The following RASGEF1A variants were observed in gnomAD, a reference collection of about 807,000 sequenced individuals.
RASGEF1A encodes the protein ras-GEF domain-containing family member 1A.
Under a neutral mutation model 56.4 loss-of-function variants are expected in RASGEF1A, and 18 were observed. That is an observed-to-expected ratio of 0.32 (90% confidence interval 0.22 to 0.47). The LOEUF (loss-of-function observed/expected upper bound fraction) is 0.47, where lower values mean the gene tolerates loss of function less well. Ranked by LOEUF, RASGEF1A falls within the 20% of genes least tolerant of loss-of-function variation. The pLI, the probability that RASGEF1A is intolerant of heterozygous loss-of-function variation, is 1.00. For synonymous variants in RASGEF1A, 245 were observed against 242.6 expected (o/e 1.01, Z -0.09); for missense variants, 422 against 627.1 (o/e 0.67, Z 3.49).
At chr10:43,203,691 C>T (rs957546621) in intron 2 of RASGEF1A, 7 of 1,188,658 alleles carry the variant, frequency 5.9e-6, no homozygotes, top group Non-Finnish European at 7.4e-6. Context: ...GGATTCTCCC[C>T]CTCTCTGCCC....
intron 1 of RASGEF1A, 45 bp downstream of exon 1, chr10:43,266,800 C>T (rs948159619): frequency 1.4e-5 from 2 of 145,916 alleles, no homozygotes; most frequent in African/African-American, 4.9e-5. Context: ...GCCCCAGGCG[C>T]GGGCGGGGGC....
Position 43,198,966 on chromosome 10 carries a change from G to C in RASGEF1A, c.999C>G (p.Ser333=). 6.2e-7 allele frequency: 1 copy of C among 1,613,688 alleles called. No homozygotes were observed. Among genetic ancestry groups the C allele is most frequent in the Non-Finnish European group, 8.5e-7 (1 of 1,180,006 alleles). The change falls in exon 9 of 13, where the codon TCC becomes TCG. Residue 333 remains serine (S), a synonymous_variant. Transcript: ENST00000395810. ...CATCAAACTTGGCTGTCTTGACCTT[G>C]GACCAAGTTTTCTTCAGCCTTGCCA... The part of the protein sequence containing the change: ...SPVARLKKTW[S]KVKTAKFDVL...
At chr10:43,201,287 C>G (rs1283172278) in intron 4 of RASGEF1A, among the ~76,000 whole-genome samples, 1 of 152,200 alleles carries the variant, frequency 6.6e-6, no homozygotes, top group Non-Finnish European at 1.5e-5. Context: ...TTGGGAGCAG[C>G]CTGGGGTCCC....
chr10:43,210,669 G>T (rs1259117353), intron 1 of RASGEF1A, among the ~76,000 whole-genome samples: 2 of 152,222 alleles, frequency 1.3e-5, no homozygotes, highest in African/African-American at 4.8e-5. Context: ...TGCCTCAGCT[G>T]CTCCTGGCTG....
At chr10:43,218,861 A>AT (rs1378909610) in intron 1 of RASGEF1A, among the ~76,000 whole-genome samples, 2 of 152,168 alleles carry the variant, frequency 1.3e-5, no homozygotes, top group African/African-American at 4.8e-5. Context: ...CACATGATTC[A>AT]TTTTTTCCTT....
intron 1 of RASGEF1A, chr10:43,208,886 C>T: frequency 1.0e-6 from 1 of 985,664 alleles, no homozygotes; most frequent in Non-Finnish European, 1.2e-6. Flanking sequence ...GCCGGCCCTG[C>T]AGCAGGCCCA....
rs574534873 is a variant in RASGEF1A at position 43,262,667 on chromosome 10, C to A, written c.-7+4178G>T. Among the ~76,000 whole-genome samples the A allele has an allele frequency of 1.2e-3, 182 of 152,362 alleles. No homozygotes were observed. The Middle Eastern group carries it at 0.02, about 17-fold the overall frequency. On this transcript the variant is annotated intron_variant, in intron 1 of 12. Coordinates refer to ENST00000395810, the MANE Select transcript of RASGEF1A (RefSeq NM_145313.4). ...CCCCAGGGGATCATAGACAAGTACA[C>A]CCAAGGCGGCTGCTGCAGAGCAGCC...
At chr10:43,225,576 G>GGT (rs139307816) in intron 1 of RASGEF1A, among the ~76,000 whole-genome samples, 36,065 of 146,026 alleles carry the variant, frequency 0.25, 4,404 homozygotes, top group South Asian at 0.31. Flanking sequence ...TCTGTGTATG[G>GGT]GTGTGTGTGT....
At chr10:43,229,414 C>T (rs1055853641) in intron 1 of RASGEF1A, among the ~76,000 whole-genome samples, 12 of 152,232 alleles carry the variant, frequency 7.9e-5, no homozygotes, top group Non-Finnish European at 1.8e-4. Flanking sequence ...TCGGCGTCCG[C>T]GGGCCGCGCC....
rs150387348 is a variant in RASGEF1A at position 43,199,564 on chromosome 10, G to A, written c.849+112C>T. 3.8e-3 allele frequency: 3,168 copies of A among 840,254 alleles called. 24 individuals are homozygous for A. The highest frequency in any genetic ancestry group is 0.012 in the South Asian group (828 of 67,600). 52.0% of individuals were successfully genotyped at this position (840,254 alleles called of 1,614,324 possible). A position where few individuals can be genotyped will look rare whatever the true frequency, so the allele number is the denominator to read the frequency against. On this transcript the variant is annotated intron_variant, in intron 7 of 12. Transcript: ENST00000395810. The stretch of plus-strand genomic sequence containing the variant: ...ACCAAGGCCCTGACAATGCAACAGG[G>A]ACTTTGTGCATTCACTCTTAAAGTT...
At chr10:43,226,972 C>T (rs945962431) in intron 1 of RASGEF1A, among the ~76,000 whole-genome samples, 67 of 152,136 alleles carry the variant, frequency 4.4e-4, no homozygotes, top group Non-Finnish European at 8.5e-4. Flanking sequence ...GGGTCTGTGC[C>T]GGGTGTCGTG....
At chr10:43,225,017 T>A (rs1268331119) in intron 1 of RASGEF1A, among the ~76,000 whole-genome samples, 1 of 151,876 alleles carries the variant, frequency 6.6e-6, no homozygotes, top group Non-Finnish European at 1.5e-5. Flanking sequence ...GAGGTGTGTC[T>A]GTGTGTCTCT....
intron 1 of RASGEF1A, among the ~76,000 whole-genome samples, chr10:43,253,970 C>G (rs958523954): frequency 6.6e-6 from 1 of 152,228 alleles, no homozygotes; most frequent in African/African-American, 2.4e-5. Flanking sequence ...TAGGGCTCAC[C>G]CGGCAGTGCC....
At chr10:43,203,188 CCCCA>C (rs1235910612) in intron 3 of RASGEF1A, 106 bp downstream of exon 3, 17,556 of 1,024,492 alleles carry the variant, frequency 0.017, 650 homozygotes, top group African/African-American at 0.13. Flanking sequence ...CTAGCCCTGA[CCCCA>C]TCCCCCAGCT....
chr10:43,202,715 C>T, intron 3 of RASGEF1A: 2 of 468,594 alleles, frequency 4.3e-6, no homozygotes, highest in South Asian at 3.1e-5. Context: ...TCCAAACCAG[C>T]GGATTCCGCC....
intron 1 of RASGEF1A, among the ~76,000 whole-genome samples, chr10:43,233,328 G>A (rs769345204): frequency 6.6e-5 from 10 of 152,196 alleles, no homozygotes; most frequent in African/African-American, 9.6e-5. Flanking sequence ...GTGTGTGTGT[G>A]TGTAGACAGA....
chr10:43,205,766 G>A lies in RASGEF1A; in HGVS notation c.198+153C>T, dbSNP rs376114764. Among the ~76,000 whole-genome samples the A allele has an allele frequency of 2.6e-5, 4 of 152,264 alleles. No homozygotes were observed. In the East Asian group the frequency reaches 7.7e-4, roughly 29 times the overall value. ...GTATGCAGAGCAGAAGGCAGAGAAG[G>A]CCCTAGAGGTGGGCCTGGGCCCCCC... is the stretch of plus-strand genomic sequence containing the variant. On this transcript the variant is annotated intron_variant, in intron 2 of 12. Coordinates refer to ENST00000395810, the MANE Select transcript of RASGEF1A (RefSeq NM_145313.4).
chr10:43,216,806 G>T (rs964847984), intron 1 of RASGEF1A, among the ~76,000 whole-genome samples: 1 of 152,136 alleles, frequency 6.6e-6, no homozygotes, highest in Non-Finnish European at 1.5e-5. Context: ...TGCATGGGGT[G>T]GCAGAGGAGG....
chr10:43,251,719 G>A (rs1173223345), intron 1 of RASGEF1A, among the ~76,000 whole-genome samples: 10 of 152,290 alleles, frequency 6.6e-5, no homozygotes, highest in Admixed American at 5.9e-4. Context: ...TGTCCAGACG[G>A]TTGGGAATCC....
Sources: allele counts gnomAD v4.1 joint callset (sites outside exome capture counted in the v4.1 genomes callset), GRCh38; gene constraint gnomAD v4.1.1; transcripts MANE v1.5; gene names NCBI Gene and HGNC (gene_info 2026-07-23, HGNC 2026-07-21).